Variants in ALK observed in about 807,000 individuals in gnomAD.
The protein encoded by ALK is ALK tyrosine kinase receptor.
A neutral mutation model predicts 163.1 loss-of-function variants in ALK; 74 were observed. That is an observed-to-expected ratio of 0.45 (90% CI 0.38 to 0.55). The LOEUF is 0.55. Among genes scored for constraint, ALK ranks in the 20% least tolerant of loss-of-function variants. The pLI, the probability that ALK is intolerant of heterozygous loss-of-function variation, is 0.00. For missense variants in ALK, 2,063 were observed against 2,105.3 expected, an observed-to-expected ratio of 0.98 and a Z score of 0.39; for synonymous variants, 960 against 843.2, an observed-to-expected ratio of 1.14 and a Z score of -2.40.
At chr2:29,244,067 AG>A (rs1664591040) in intron 12 of ALK, among the ~76,000 whole-genome samples, 1 of 152,248 alleles carries the variant, frequency 6.6e-6, no homozygotes, top group Non-Finnish European at 1.5e-5. Flanking sequence ...TCCTGAAATG[AG>A]AGCACAGCTG....
At chr2:29,398,499 G>A (rs1669365838) in intron 4 of ALK, among the ~76,000 whole-genome samples, 1 of 152,100 alleles carries the variant, frequency 6.6e-6, no homozygotes, top group Non-Finnish European at 1.5e-5. Context: ...AGCCACTGGT[G>A]AGCTGGCAAT....
intron 4 of ALK, among the ~76,000 whole-genome samples, chr2:29,494,422 T>C (rs1671975865): frequency 6.6e-6 from 1 of 152,030 alleles, no homozygotes; most frequent in African/African-American, 2.4e-5. Flanking sequence ...TGAGGGTCTT[T>C]AGAAGGCCCA....
chr2:29,544,207 C>T (rs1673489191), intron 3 of ALK, among the ~76,000 whole-genome samples: 1 of 151,992 alleles, frequency 6.6e-6, no homozygotes. Context: ...AGATGCATGC[C>T]CCGAGATATC....
intron 25 of ALK, among the ~76,000 whole-genome samples, chr2:29,208,228 C>T (rs1669366939): frequency 6.6e-6 from 1 of 151,974 alleles, no homozygotes; most frequent in African/African-American, 2.4e-5. Flanking sequence ...GAAAGCTTCA[C>T]AGAAGGGCAC....
intron 1 of ALK, among the ~76,000 whole-genome samples, chr2:29,913,035 AC>A (rs989152327): frequency 6.6e-6 from 1 of 152,044 alleles, no homozygotes; most frequent in African/African-American, 2.4e-5. Flanking sequence ...CTAACTTCAT[AC>A]CTTTTTCATA....
chr2:29,515,290 G>A (rs4309539), intron 4 of ALK, among the ~76,000 whole-genome samples: 141,861 of 152,226 alleles, frequency 0.93, 66,942 homozygotes, highest in East Asian at 1. Flanking sequence ...ATGTATCACT[G>A]TGGCAATGAC....
At chr2:29,313,414 C>A (rs1206577668) in intron 8 of ALK, among the ~76,000 whole-genome samples, 1 of 152,124 alleles carries the variant, frequency 6.6e-6, no homozygotes, top group Non-Finnish European at 1.5e-5. Flanking sequence ...GGAGTTAGAC[C>A]CAGTGACTAC....
chr2:29,845,520 C>T (rs556250576), intron 1 of ALK, among the ~76,000 whole-genome samples: 1 of 152,248 alleles, frequency 6.6e-6, no homozygotes, highest in East Asian at 1.9e-4. Context: ...CTGCAACCTC[C>T]ACCCCCCAGG....
At chr2:29,638,680 C>T (rs944322875) in intron 3 of ALK, among the ~76,000 whole-genome samples, 3 of 152,124 alleles carry the variant, frequency 2.0e-5, no homozygotes, top group Non-Finnish European at 4.4e-5. Flanking sequence ...CATGGAGTGG[C>T]CTGTTTCTTG....
At chr2:29,292,191 G>T (rs1218144139) in intron 9 of ALK, among the ~76,000 whole-genome samples, 1 of 152,238 alleles carries the variant, frequency 6.6e-6, no homozygotes, top group Non-Finnish European at 1.5e-5. Flanking sequence ...GAGGAATGGA[G>T]CCTGCACAGG....
intron 1 of ALK, among the ~76,000 whole-genome samples, chr2:29,815,559 T>G (rs1025262552): frequency 1.3e-5 from 2 of 152,178 alleles, no homozygotes; most frequent in Non-Finnish European, 2.9e-5. Flanking sequence ...CTCCTGCTGT[T>G]GGGCTGTAGA....
intron 8 of ALK, among the ~76,000 whole-genome samples, chr2:29,307,658 G>C (rs906332630): frequency 4.6e-5 from 7 of 152,174 alleles, no homozygotes; most frequent in African/African-American, 1.4e-4. Context: ...GCAAAATCCA[G>C]TGTTTTTGTT....
intron 24 of ALK, among the ~76,000 whole-genome samples, chr2:29,212,016 G>T (rs1397977524): frequency 6.6e-6 from 1 of 152,210 alleles, no homozygotes; most frequent in Non-Finnish European, 1.5e-5. Context: ...TCTTGTGGCT[G>T]TAGGAAAGGA....
intron 3 of ALK, among the ~76,000 whole-genome samples, chr2:29,657,504 T>C (rs973206187): frequency 6.6e-6 from 1 of 152,134 alleles, no homozygotes. Flanking sequence ...CAAAGGTGCC[T>C]GGGTAAAGAA....
intron 1 of ALK, among the ~76,000 whole-genome samples, chr2:29,728,543 A>G (rs980993095): frequency 1.3e-5 from 2 of 152,206 alleles, no homozygotes; most frequent in African/African-American, 4.8e-5. Flanking sequence ...TCCATTGTGA[A>G]GGAGACAGAC....
chr2:29,783,428 C>A (rs1663899142), intron 1 of ALK, among the ~76,000 whole-genome samples: 1 of 152,164 alleles, frequency 6.6e-6, no homozygotes, highest in South Asian at 2.1e-4. Context: ...CCATAAAGAG[C>A]AAACTCAGTA....
chr2:29,311,113 G>A (rs1300431959), intron 8 of ALK, among the ~76,000 whole-genome samples: 1 of 152,236 alleles, frequency 6.6e-6, no homozygotes. Flanking sequence ...TCCATCACCA[G>A]CAGTGTTAGC....
At chr2:29,688,353 T>C (rs1267849133) in intron 3 of ALK, among the ~76,000 whole-genome samples, 1 of 152,200 alleles carries the variant, frequency 6.6e-6, no homozygotes, top group Non-Finnish European at 1.5e-5. Context: ...CTGATTCCAT[T>C]TATAGAGGAC....
chr2:29,298,830 T>C (rs1666279228), intron 8 of ALK, among the ~76,000 whole-genome samples: 1 of 152,236 alleles, frequency 6.6e-6, no homozygotes, highest in Non-Finnish European at 1.5e-5. Flanking sequence ...TCTTCCACGT[T>C]AGCCCAGCTC....
Sources: allele counts gnomAD v4.1 joint callset (sites outside exome capture counted in the v4.1 genomes callset), GRCh38; gene constraint gnomAD v4.1.1; transcripts MANE v1.5; gene names NCBI Gene and HGNC (gene_info 2026-07-23, HGNC 2026-07-21).